The following COL19A1 variants were observed in gnomAD, a reference collection of about 807,000 sequenced individuals.
The protein encoded by COL19A1 is collagen alpha-1(XIX) chain.
Under a neutral mutation model 190.2 loss-of-function variants are expected in COL19A1, and 159 were observed. That is an observed-to-expected ratio of 0.84 (90% CI 0.73 to 0.95). The LOEUF (loss-of-function observed/expected upper bound fraction) is 0.95, where lower values mean the gene tolerates loss of function less well. Among genes scored for constraint, COL19A1 ranks in the 40% least tolerant of loss-of-function variants. The pLI is 0.00. For missense variants in COL19A1, 1,418 were observed against 1,431.9 expected (o/e 0.99, Z 0.16); for synonymous variants, 509 against 458.9 (o/e 1.11, Z -1.39).
intron 4 of COL19A1, among the ~76,000 whole-genome samples, chr6:69,922,916 G>A (rs1163791685): frequency 6.6e-6 from 1 of 152,148 alleles, no homozygotes; most frequent in Non-Finnish European, 1.5e-5. Flanking sequence ...CTTTGTGAGT[G>A]ATACAAAGTA....
chr6:70,101,630 G>A (rs1535393), intron 15 of COL19A1, among the ~76,000 whole-genome samples: 14,493 of 152,198 alleles, frequency 0.095, 778 homozygotes, highest in Middle Eastern at 0.15. Context: ...CCAAATTTTA[G>A]TGAGCATAAA....
chr6:70,016,940 T>C (rs1778143533), intron 11 of COL19A1, among the ~76,000 whole-genome samples: 1 of 152,040 alleles, frequency 6.6e-6, no homozygotes, highest in African/African-American at 2.4e-5. Context: ...TGGAAACTGG[T>C]TTGGGAATTT....
chr6:69,940,017 T>A (rs1444626713), intron 9 of COL19A1, among the ~76,000 whole-genome samples: 1 of 152,002 alleles, frequency 6.6e-6, no homozygotes, highest in African/African-American at 2.4e-5. Flanking sequence ...ATATTTAAGA[T>A]TGCTGGCACA....
At chr6:70,053,807 A>G (rs1188807452) in intron 14 of COL19A1, among the ~76,000 whole-genome samples, 1 of 152,234 alleles carries the variant, frequency 6.6e-6, no homozygotes, top group African/African-American at 2.4e-5. Context: ...GAATAAATAA[A>G]CAATGCAACT....
chr6:69,894,090 A>G (rs1285260161), intron 2 of COL19A1, among the ~76,000 whole-genome samples: 3 of 152,128 alleles, frequency 2.0e-5, no homozygotes, highest in East Asian at 1.9e-4. Context: ...CCTTGGGCAC[A>G]TGTTCTCAAG....
At chr6:70,122,421 T>A (rs77137707) in intron 17 of COL19A1, among the ~76,000 whole-genome samples, 42 of 146,654 alleles carry the variant, frequency 2.9e-4, no homozygotes, top group Middle Eastern at 3.5e-3. Context: ...CGGTTTTTTT[T>A]AAATCACATT....
intron 48 of COL19A1, among the ~76,000 whole-genome samples, chr6:70,195,061 CTAAGA>C (rs1262696169): frequency 1.4e-5 from 2 of 147,802 alleles, no homozygotes; most frequent in Admixed American, 6.8e-5. Flanking sequence ...CTCTCTACAA[CTAAGA>C]TATTAATTTT....
At chr6:69,907,330 A>G (rs1770626493) in intron 4 of COL19A1, among the ~76,000 whole-genome samples, 1 of 151,854 alleles carries the variant, frequency 6.6e-6, no homozygotes, top group Admixed American at 6.6e-5. Flanking sequence ...GGGTTTCACC[A>G]TGTCAGCCAG....
rs771748530 is a variant in COL19A1, at chr6:69,938,120, T to C, written c.936+20T>C. 1.2e-6 allele frequency: 2 copies of C among 1,607,320 alleles called. No homozygotes were observed. Among genetic ancestry groups the C allele is most frequent in the South Asian group, 1.1e-5 (1 of 90,098 alleles). On this transcript the variant is annotated intron_variant, in intron 9 of 50. Transcript: ENST00000620364. Reference sequence around the variant, plus strand: ...GAGCCGGTAAGAAAAAAACAAATACTGATGGAGAAAACAGGGTTTTGTTAA... The same window carrying C: ...GAGCCGGTAAGAAAAAAACAAATACCGATGGAGAAAACAGGGTTTTGTTAA...
At position 70,041,652 on chromosome 6, in the gene COL19A1, G is replaced by T. The variant is rs1330838456; in HGVS notation, c.1170+5713G>T. ...GAGCTAATATTCAACTGCCCATTTGGCTGACTCTTAAAACCTAAGCTATTA... is the reference window on the plus strand; with the variant it reads ...GAGCTAATATTCAACTGCCCATTTGTCTGACTCTTAAAACCTAAGCTATTA... On this transcript the variant is annotated intron_variant, in intron 14 of 50. Coordinates refer to ENST00000620364, the MANE Select transcript of COL19A1 (RefSeq NM_001858.6). 3.9e-5 allele frequency among the ~76,000 whole-genome samples: 6 copies of T among 152,180 alleles called. No homozygotes were observed. In the South Asian group the frequency reaches 8.3e-4, roughly 21 times the overall value.
chr6:69,987,571 C>T (rs991137686), intron 11 of COL19A1, among the ~76,000 whole-genome samples: 3 of 152,170 alleles, frequency 2.0e-5, no homozygotes, highest in Non-Finnish European at 2.9e-5. Flanking sequence ...CATATAGAAT[C>T]GGCTAGAGGT....
At chr6:70,159,373 A>T (rs1787640499) in intron 34 of COL19A1, among the ~76,000 whole-genome samples, 1 of 151,902 alleles carries the variant, frequency 6.6e-6, no homozygotes, top group Admixed American at 6.6e-5. Context: ...CCACATACCG[A>T]TATGTAGAGC....
At chr6:70,151,674 G>T (rs1468677264) in intron 31 of COL19A1, among the ~76,000 whole-genome samples, 5 of 152,096 alleles carry the variant, frequency 3.3e-5, no homozygotes, top group African/African-American at 9.7e-5. Context: ...GGCAGGGGTG[G>T]AGGGCAGCTG....
At position 70,202,637 on chromosome 6, in the gene COL19A1, C is replaced by T. The variant is rs531820797; in HGVS notation, c.3223+2901C>T. Among the ~76,000 whole-genome samples, 10 of 152,058 alleles carry T rather than the reference C, an allele frequency of 6.6e-5. No homozygotes were observed. In the South Asian group the frequency reaches 2.1e-3, roughly 32 times the overall value. ...TGTGCTTATTCTGAGAAGCCGGAGA[C>T]GTATAGAAAGCAGTGAGAAAATCGA... is the stretch of plus-strand genomic sequence containing the variant. On this transcript the variant is annotated intron_variant, in intron 49 of 50. Coordinates refer to ENST00000620364, the MANE Select transcript of COL19A1 (RefSeq NM_001858.6).
At chr6:70,193,726 G>C (rs1767019167) in intron 48 of COL19A1, among the ~76,000 whole-genome samples, 1 of 152,224 alleles carries the variant, frequency 6.6e-6, no homozygotes, top group African/African-American at 2.4e-5. Context: ...CAGCAAAACT[G>C]TCTTCTCCCA....
intron 1 of COL19A1, chr6:69,867,353 A>ACAGCGCCGCCG (rs1767526099): frequency 6.5e-6 from 1 of 153,978 alleles, no homozygotes. Flanking sequence ...GCGGTCGGCC[A>ACAGCGCCGCCG]CAGCGCCGCC....
intron 14 of COL19A1, among the ~76,000 whole-genome samples, chr6:70,060,052 T>C (rs1345097459): frequency 2.6e-5 from 4 of 152,280 alleles, no homozygotes; most frequent in African/African-American, 9.6e-5. Flanking sequence ...TTGGAATAAG[T>C]TCCACAACAG....
intron 12 of COL19A1, among the ~76,000 whole-genome samples, chr6:70,031,118 C>G (rs995917574): frequency 6.6e-6 from 1 of 152,132 alleles, no homozygotes; most frequent in African/African-American, 2.4e-5. Flanking sequence ...TGACCCCTGG[C>G]AAACCTTGAC....
At chr6:70,170,588 T>G (rs1765442632) in intron 40 of COL19A1, among the ~76,000 whole-genome samples, 1 of 152,176 alleles carries the variant, frequency 6.6e-6, no homozygotes, top group African/African-American at 2.4e-5. Flanking sequence ...ATTGAGCACC[T>G]CTGTCTTAAG....
Sources: allele counts gnomAD v4.1 joint callset (sites outside exome capture counted in the v4.1 genomes callset), GRCh38; gene constraint gnomAD v4.1.1; transcripts MANE v1.5; gene names NCBI Gene and HGNC (gene_info 2026-07-23, HGNC 2026-07-21).